TMEFF2: variants seen among roughly 807,000 people sequenced by gnomAD.
The protein encoded by TMEFF2 is tomoregulin-2.
TMEFF2 carries 28 observed loss-of-function variants against 53.8 expected under a neutral mutation model. The observed-to-expected ratio is 0.52, with a 90% CI of 0.39 to 0.71. The LOEUF (loss-of-function observed/expected upper bound fraction) is 0.71. TMEFF2 is among the 30% of genes least tolerant of loss of function. TMEFF2 has a pLI of 0.00. For missense variants in TMEFF2, 353 were observed against 455.2 expected, an observed-to-expected ratio of 0.78 and a Z score of 2.04; for synonymous variants, 162 against 166.3, an observed-to-expected ratio of 0.97 and a Z score of 0.20.
At chr2:191,964,384 T>TC (rs1559063627) in intron 7 of TMEFF2, among the ~76,000 whole-genome samples, 2 of 40,984 alleles carry the variant, frequency 4.9e-5, no homozygotes, top group Non-Finnish European at 1.0e-4. Flanking sequence ...CTTTCTTTCT[T>TC]TCTTTCTTTC....
intron 4 of TMEFF2, among the ~76,000 whole-genome samples, chr2:192,106,699 GT>G (rs1276424438): frequency 6.6e-6 from 1 of 151,640 alleles, no homozygotes; most frequent in Non-Finnish European, 1.5e-5. Flanking sequence ...TTTTTTTGGT[GT>G]TTTGGTAAGT....
At chr2:192,154,988 C>T (rs1690473121) in intron 4 of TMEFF2, among the ~76,000 whole-genome samples, 1 of 151,838 alleles carries the variant, frequency 6.6e-6, no homozygotes, top group African/African-American at 2.4e-5. Flanking sequence ...TCATACCCTT[C>T]CTGGGAACTT....
At chr2:192,192,290 GT>G (rs141481827) in intron 1 of TMEFF2, among the ~76,000 whole-genome samples, 36 of 148,666 alleles carry the variant, frequency 2.4e-4, no homozygotes, top group African/African-American at 3.4e-4. Flanking sequence ...TTTGCTTCCT[GT>G]TTTTTTTTTA....
At chr2:191,987,382 AGAC>A (rs981895439) in intron 7 of TMEFF2, among the ~76,000 whole-genome samples, 2 of 149,162 alleles carry the variant, frequency 1.3e-5, no homozygotes, top group Non-Finnish European at 3.0e-5. Context: ...AAAGTTGGAA[AGAC>A]AACATCATAA....
intron 7 of TMEFF2, among the ~76,000 whole-genome samples, chr2:191,959,844 G>T (rs1404967729): frequency 6.6e-6 from 1 of 152,082 alleles, no homozygotes; most frequent in African/African-American, 2.4e-5. Flanking sequence ...TGAAAGTTAA[G>T]TTGTATTATC....
chr2:192,113,935 T>G (rs1203048899), intron 4 of TMEFF2, among the ~76,000 whole-genome samples: 3 of 152,116 alleles, frequency 2.0e-5, no homozygotes, highest in African/African-American at 7.2e-5. Flanking sequence ...GATTTCATCT[T>G]AAATCTCTTT....
intron 2 of TMEFF2, among the ~76,000 whole-genome samples, chr2:192,189,942 T>C (rs1387624824): frequency 6.6e-6 from 1 of 152,180 alleles, no homozygotes; most frequent in African/African-American, 2.4e-5. Flanking sequence ...ACATTTAAAA[T>C]GCCACAAGGA....
chr2:191,970,924 G>T (rs1398678078), intron 7 of TMEFF2, among the ~76,000 whole-genome samples: 1 of 152,176 alleles, frequency 6.6e-6, no homozygotes, highest in African/African-American at 2.4e-5. Flanking sequence ...ATGATGAATT[G>T]TATGATCACC....
chr2:191,991,696 G>A (rs1162390329), intron 7 of TMEFF2, among the ~76,000 whole-genome samples: 2 of 152,136 alleles, frequency 1.3e-5, no homozygotes, highest in South Asian at 2.1e-4. Flanking sequence ...AACACTGCAA[G>A]GTGAACGATT....
At chr2:191,954,932 T>C (rs1235048157) in intron 8 of TMEFF2, among the ~76,000 whole-genome samples, 1 of 152,126 alleles carries the variant, frequency 6.6e-6, no homozygotes, top group African/African-American at 2.4e-5. Flanking sequence ...ATTCTATTAC[T>C]TCACTTTGAA....
intron 4 of TMEFF2, among the ~76,000 whole-genome samples, chr2:192,115,890 CTT>C (rs949324313): frequency 1.3e-5 from 2 of 151,850 alleles, no homozygotes; most frequent in African/African-American, 4.8e-5. Flanking sequence ...TTGGTGGAAA[CTT>C]AATTTGGTGC....
intron 2 of TMEFF2, 141 bp from the exon 3 acceptor site, chr2:192,184,624 A>G: frequency 8.8e-7 from 1 of 1,133,838 alleles, no homozygotes; most frequent in African/African-American, 1.6e-5. Context: ...AAGTCTTTAT[A>G]AGGGCATCAT....
chr2:192,080,770 T>A (rs1688533376), intron 4 of TMEFF2, among the ~76,000 whole-genome samples: 1 of 152,188 alleles, frequency 6.6e-6, no homozygotes, highest in South Asian at 2.1e-4. Context: ...ATTAGGCTAC[T>A]GTTTTATACA....
At chr2:192,065,769 CATT>C (rs1448388556) in intron 4 of TMEFF2, among the ~76,000 whole-genome samples, 44 of 151,722 alleles carry the variant, frequency 2.9e-4, no homozygotes, top group African/African-American at 4.6e-4. Context: ...ATTATTGTCT[CATT>C]ATCACAAAAA....
chr2:192,133,840 C>T (rs1689924869), intron 4 of TMEFF2, among the ~76,000 whole-genome samples: 1 of 152,236 alleles, frequency 6.6e-6, no homozygotes, highest in Non-Finnish European at 1.5e-5. Context: ...CATCTGTTAC[C>T]TATCTCGGCA....
chr2:192,066,110 CT>C (rs533296807), intron 4 of TMEFF2, among the ~76,000 whole-genome samples: 4 of 151,408 alleles, frequency 2.6e-5, no homozygotes, highest in East Asian at 1.9e-4. Context: ...AAACACTTTC[CT>C]TTTTTTTCAT....
Position 192,155,700 on chromosome 2 carries a change from C to T in TMEFF2, c.439+23968G>A, listed in dbSNP as rs940615222. 5.9e-5 allele frequency among the ~76,000 whole-genome samples: 9 copies of T among 152,092 alleles called. No homozygotes were observed. The East Asian group carries it at 1.7e-3, about 29-fold the overall frequency. ...TGCTGCCCAGCAGCTGCCCAAGTAGCAACTGCAACAGCTGGATCAATACAG... is the reference window on the plus strand; with the variant it reads ...TGCTGCCCAGCAGCTGCCCAAGTAGTAACTGCAACAGCTGGATCAATACAG... On this transcript the variant is annotated intron_variant, in intron 4 of 9. Transcript: ENST00000272771.
intron 4 of TMEFF2, among the ~76,000 whole-genome samples, chr2:192,122,150 T>C (rs1252586369): frequency 6.6e-6 from 1 of 152,192 alleles, no homozygotes; most frequent in Non-Finnish European, 1.5e-5. Flanking sequence ...AGGTGTCATA[T>C]GTGCCCCATA....
chr2:191,966,488 G>A (rs1354206616), intron 7 of TMEFF2, among the ~76,000 whole-genome samples: 1 of 152,144 alleles, frequency 6.6e-6, no homozygotes, highest in Non-Finnish European at 1.5e-5. Context: ...TTGTATGCAT[G>A]TCATACCTCA....
Sources: gnomAD v4.1 joint callset for allele counts (sites outside exome capture counted in the v4.1 genomes callset) on GRCh38, gnomAD v4.1.1 for gene constraint, MANE v1.5 for transcripts, NCBI Gene and HGNC (gene_info 2026-07-23, HGNC 2026-07-21) for gene names.